Variants in SPTBN1 observed in about 807,000 individuals in gnomAD.
The protein encoded by SPTBN1 is spectrin beta, non-erythrocytic 1.
In SPTBN1, 32 loss-of-function variants were observed where a neutral mutation model predicts 266.4. That is an observed-to-expected ratio of 0.12 (90% CI 0.09 to 0.16). The LOEUF is 0.16. Ranked by LOEUF, SPTBN1 falls within the 10% of genes least tolerant of loss-of-function variation. The pLI, the probability that SPTBN1 is intolerant of heterozygous loss-of-function variation, is 1.00. For missense variants in SPTBN1, 2,296 were observed against 3,067.1 expected, an observed-to-expected ratio of 0.75 and a Z score of 5.94; for synonymous variants, 1,336 against 1,162.2, an observed-to-expected ratio of 1.15 and a Z score of -3.04.
chr2:54,654,049 A>G (rs1196996889), intron 27 of SPTBN1, among the ~76,000 whole-genome samples, 196 bp downstream of exon 27: 2 of 152,074 alleles, frequency 1.3e-5, no homozygotes, highest in Non-Finnish European at 1.5e-5. Context: ...TCACCAGGGA[A>G]TGTGGGAGCC....
At chr2:54,553,540 G>A (rs745584394) in intron 2 of SPTBN1, among the ~76,000 whole-genome samples, 49 of 152,236 alleles carry the variant, frequency 3.2e-4, no homozygotes, top group Non-Finnish European at 5.6e-4. Flanking sequence ...GAAATTGGCT[G>A]TGGTCATCCA....
intron 2 of SPTBN1, among the ~76,000 whole-genome samples, chr2:54,571,826 T>A (rs1674107658): frequency 6.6e-6 from 1 of 152,208 alleles, no homozygotes; most frequent in South Asian, 2.1e-4. Context: ...GTGATTTAGC[T>A]GGTTTTCCTT....
chr2:54,519,679 T>C (rs1485274686), intron 1 of SPTBN1, among the ~76,000 whole-genome samples: 1 of 152,188 alleles, frequency 6.6e-6, no homozygotes, highest in Admixed American at 6.5e-5. Flanking sequence ...AGCCATTTGG[T>C]AGATTTTAGT....
intron 2 of SPTBN1, among the ~76,000 whole-genome samples, chr2:54,567,601 G>A (rs1203863820): frequency 1.3e-5 from 2 of 152,140 alleles, no homozygotes; most frequent in Non-Finnish European, 2.9e-5. Context: ...CGGATTGCAA[G>A]TGCAATTTGC....
Position 54,644,326 on chromosome 2 carries a change from G to A in SPTBN1, c.4009G>A (p.Gly1337Arg). ...CCATGTTGGTTTTGTTTTCCAGGAA[G>A]GAATGCAGCTCATTTCAGAAAAGCC... ...KEWLDKIEKE[G>R]MQLISEKPET... is the part of the protein sequence containing the mutation. The change falls in exon 20 of 36, where the codon GGA (glycine) becomes AGA (arginine). Residue 1337 changes from glycine (G) to arginine (R), a missense_variant. Transcript: ENST00000356805. 1 of 1,601,332 alleles carries A rather than the reference G, an allele frequency of 6.2e-7. No homozygotes were observed.
intron 2 of SPTBN1, among the ~76,000 whole-genome samples, chr2:54,571,003 A>T (rs1380007393): frequency 2.0e-5 from 3 of 152,114 alleles, no homozygotes; most frequent in Non-Finnish European, 4.4e-5. Context: ...GTTTATTCCT[A>T]TAAAGGTTTA....
chr2:54,499,211 G>GT (rs958608599), intron 1 of SPTBN1, among the ~76,000 whole-genome samples: 1 of 152,108 alleles, frequency 6.6e-6, no homozygotes, highest in African/African-American at 2.4e-5. Context: ...AATATTAGTA[G>GT]TTTTTTTGTA....
intron 2 of SPTBN1, among the ~76,000 whole-genome samples, chr2:54,530,815 A>T (rs143024186): frequency 6.6e-6 from 1 of 152,122 alleles, no homozygotes; most frequent in Non-Finnish European, 1.5e-5. Flanking sequence ...CTGCCGAGTG[A>T]TGGGAGTGTC....
At chr2:54,616,950 C>T (rs1053934834) in intron 5 of SPTBN1, among the ~76,000 whole-genome samples, 2 of 152,122 alleles carry the variant, frequency 1.3e-5, no homozygotes, top group Non-Finnish European at 2.9e-5. Context: ...ATCAGAACTC[C>T]ATCCATTCTG....
intron 2 of SPTBN1, among the ~76,000 whole-genome samples, chr2:54,544,244 CT>C (rs1218357448): frequency 1.3e-5 from 2 of 152,144 alleles, no homozygotes; most frequent in African/African-American, 4.8e-5. Flanking sequence ...TAATTGAAAG[CT>C]TCTGATGCCT....
At chr2:54,588,186 C>T (rs958177974) in intron 2 of SPTBN1, among the ~76,000 whole-genome samples, 40 of 152,132 alleles carry the variant, frequency 2.6e-4, no homozygotes, top group Non-Finnish European at 7.4e-5. Context: ...CATCAGCCTC[C>T]TCCCCTTCCT....
At chr2:54,572,928 A>C (rs1157575560) in intron 2 of SPTBN1, among the ~76,000 whole-genome samples, 1 of 152,184 alleles carries the variant, frequency 6.6e-6, no homozygotes, top group East Asian at 1.9e-4. Flanking sequence ...GCCCAGGAGC[A>C]GTGTGAGTGG....
At chr2:54,538,378 G>A (rs1671737903) in intron 2 of SPTBN1, among the ~76,000 whole-genome samples, 1 of 152,164 alleles carries the variant, frequency 6.6e-6, no homozygotes, top group African/African-American at 2.4e-5. Flanking sequence ...TAGTACTAGA[G>A]TGCCATTCTA....
At chr2:54,543,194 G>A (rs563543890) in intron 2 of SPTBN1, among the ~76,000 whole-genome samples, 3 of 152,302 alleles carry the variant, frequency 2.0e-5, no homozygotes, top group South Asian at 2.1e-4. Context: ...CTAGCTATGC[G>A]ATGGTGGGCA....
At position 54,558,470 on chromosome 2, in the gene SPTBN1, T is replaced by G; in HGVS notation, c.148+31904T>G. The stretch of plus-strand genomic sequence containing the variant: ...TAGGATTGGCCATATTTAAAAGTTC[T>G]GAAGTAGAACCTGCGCCTCCTCTCT... On this transcript the variant is annotated intron_variant, in intron 2 of 35. Coordinates refer to ENST00000356805, the MANE Select transcript of SPTBN1 (RefSeq NM_003128.3). The surrounding 1 kb of genome is among the most constrained non-coding windows in gnomAD (Gnocchi z 4.6). 1 of 1,091,498 alleles carries G rather than the reference T, an allele frequency of 9.2e-7. No homozygotes were observed. Among genetic ancestry groups the G allele is most frequent in the Non-Finnish European group, 1.1e-6 (1 of 897,794 alleles). The allele number at this position is 1,091,498 out of a possible 1,614,324, so 67.6% of individuals were successfully genotyped here.
Position 54,628,719 on chromosome 2 carries a change from G to A in SPTBN1, c.1799-214G>A, listed in dbSNP as rs901336830. On this transcript the variant is annotated intron_variant, in intron 13 of 35. Transcript: ENST00000356805. The surrounding 1 kb of genome is among the most constrained non-coding windows in gnomAD (Gnocchi z 4.3). The stretch of plus-strand genomic sequence containing the variant: ...AGGATGATCACTTTGTCTGCGGTTT[G>A]GCCAAAAAAAAATAATGTTTATCAT... Among the ~76,000 whole-genome samples, 7 of 151,912 alleles carry A rather than the reference G, an allele frequency of 4.6e-5. No individual in the cohort carries two copies. The highest frequency in any genetic ancestry group is 1.7e-4 in the African/African-American group (7 of 41,362).
chr2:54,590,306 T>C (rs746713562), intron 2 of SPTBN1, among the ~76,000 whole-genome samples: 2 of 152,236 alleles, frequency 1.3e-5, no homozygotes, highest in Non-Finnish European at 2.9e-5. Context: ...CTAGGGCCTG[T>C]CTTTGTGATA....
intron 1 of SPTBN1, among the ~76,000 whole-genome samples, chr2:54,521,618 A>G (rs1297975157): frequency 2.6e-5 from 4 of 151,890 alleles, no homozygotes; most frequent in African/African-American, 9.7e-5. Context: ...GGCTCAAGTG[A>G]TCCTCCCACC....
chr2:54,500,867 A>G (rs964448616), intron 1 of SPTBN1, among the ~76,000 whole-genome samples: 2 of 152,132 alleles, frequency 1.3e-5, no homozygotes, highest in Non-Finnish European at 2.9e-5. Context: ...CTTGATGCTC[A>G]CTCATACCTG....
Sources: allele counts gnomAD v4.1 joint callset (sites outside exome capture counted in the v4.1 genomes callset), GRCh38; gene constraint gnomAD v4.1.1; non-coding constraint Gnocchi (gnomAD v3.1); transcripts MANE v1.5; gene names NCBI Gene and HGNC (gene_info 2026-07-23, HGNC 2026-07-21).